The following SYT9 variants were observed in gnomAD, a reference collection of about 807,000 sequenced individuals.
The protein encoded by SYT9 is synaptotagmin 9.
Under a neutral mutation model 48.4 loss-of-function variants are expected in SYT9, and 22 were observed. The observed-to-expected ratio is 0.45, with a 90% CI of 0.32 to 0.65. The LOEUF is 0.65. SYT9 is among the 30% of genes least tolerant of loss of function. The pLI, the probability that SYT9 is intolerant of heterozygous loss-of-function variation, is 0.03. For synonymous variants in SYT9, 265 were observed against 245.0 expected (o/e 1.08, Z -0.76); for missense variants, 577 against 622.0 (o/e 0.93, Z 0.77).
chr11:7,417,879 A>G, intron 4 of SYT9, 78 bp from the exon 5 acceptor site: 2 of 1,483,922 alleles, frequency 1.3e-6, no homozygotes, highest in Non-Finnish European at 9.1e-7. Context: ...ATAGTCCATG[A>G]AAACTCACAG....
At chr11:7,392,854 T>C (rs573592489) in intron 3 of SYT9, among the ~76,000 whole-genome samples, 1 of 152,274 alleles carries the variant, frequency 6.6e-6, no homozygotes, top group East Asian at 1.9e-4. Flanking sequence ...TTTTTGTGTG[T>C]GTGTGTATTA....
At chr11:7,244,136 C>T (rs78181920) in intron 1 of SYT9, among the ~76,000 whole-genome samples, 6,745 of 152,186 alleles carry the variant, frequency 0.044, 209 homozygotes, top group East Asian at 0.12. Flanking sequence ...GAACATGGCC[C>T]TCTGTTCCTT....
rs75275222 is a variant in SYT9, at chr11:7,424,140, T to G, written c.1467+3505T>G. Among the ~76,000 whole-genome samples, 254 of 152,258 alleles carry G rather than the reference T, an allele frequency of 1.7e-3. 1 individual carries two copies. The highest frequency in any genetic ancestry group is 5.8e-3 in the African/African-American group (241 of 41,558). The stretch of plus-strand genomic sequence containing the variant: ...ATCTGGCAGCCTGCTCAGGGTTGCA[T>G]CCAATACACCCTGACCTTGCCAGGG... On this transcript the variant is annotated intron_variant, in intron 6 of 6. Transcript: ENST00000318881.
intron 3 of SYT9, among the ~76,000 whole-genome samples, chr11:7,392,661 A>G (rs1846653085): frequency 3.3e-5 from 5 of 152,150 alleles, no homozygotes. Context: ...CTAGTTTGAT[A>G]AGAAGAGCAC....
At chr11:7,399,586 CAA>C (rs1352999724) in intron 3 of SYT9, among the ~76,000 whole-genome samples, 1 of 152,136 alleles carries the variant, frequency 6.6e-6, no homozygotes, top group Non-Finnish European at 1.5e-5. Context: ...ACAAGTTTGC[CAA>C]AGTTTCCACT....
chr11:7,238,888 G>T (rs905696271), exon 1 of SYT9: 6 of 455,960 alleles, frequency 1.3e-5, no homozygotes, highest in Middle Eastern at 3.2e-4. Flanking sequence ...AGGTGGTGGA[G>T]GGAGATTTAG....
intron 3 of SYT9, among the ~76,000 whole-genome samples, chr11:7,316,620 G>C (rs1286742474): frequency 6.6e-6 from 1 of 152,160 alleles, no homozygotes; most frequent in Non-Finnish European, 1.5e-5. Context: ...CACATCTTTT[G>C]GTTCACATAT....
intron 2 of SYT9, among the ~76,000 whole-genome samples, chr11:7,304,788 A>G (rs963704206): frequency 6.6e-6 from 1 of 152,224 alleles, no homozygotes; most frequent in African/African-American, 2.4e-5. Context: ...CTAGAGCTCT[A>G]TTTGATGCTG....
intron 3 of SYT9, among the ~76,000 whole-genome samples, chr11:7,371,435 C>T (rs76781281): frequency 6.3e-4 from 95 of 151,832 alleles, no homozygotes; most frequent in Admixed American, 3.8e-3. Context: ...TTTCTATGTA[C>T]ATTATATTTT....
At chr11:7,346,874 G>C (rs1434540765) in intron 3 of SYT9, among the ~76,000 whole-genome samples, 1 of 152,152 alleles carries the variant, frequency 6.6e-6, no homozygotes, top group East Asian at 1.9e-4. Flanking sequence ...TATAATCTCT[G>C]TCCATGGTTC....
chr11:7,422,704 G>A (rs1169397154), intron 6 of SYT9, among the ~76,000 whole-genome samples: 1 of 152,210 alleles, frequency 6.6e-6, no homozygotes, highest in Non-Finnish European at 1.5e-5. Context: ...GTGTGGTGTA[G>A]GGCTGAGAGG....
intron 3 of SYT9, among the ~76,000 whole-genome samples, chr11:7,395,432 T>C (rs1469574552): frequency 1.3e-5 from 2 of 152,130 alleles, no homozygotes; most frequent in African/African-American, 4.8e-5. Flanking sequence ...ATCTGTCTAA[T>C]GCTTCTTGGT....
chr11:7,413,466 G>A (rs1034257202), intron 3 of SYT9, among the ~76,000 whole-genome samples: 1 of 152,192 alleles, frequency 6.6e-6, no homozygotes, highest in Non-Finnish European at 1.5e-5. Flanking sequence ...CTCTAGGCCT[G>A]TGAGGATCGA....
intron 1 of SYT9, among the ~76,000 whole-genome samples, chr11:7,285,099 T>C (rs1214867368): frequency 2.0e-5 from 3 of 152,162 alleles, no homozygotes; most frequent in African/African-American, 4.8e-5. Context: ...CACCGAGCTA[T>C]CCCTAGTACC....
At chr11:7,381,029 A>G (rs186523198) in intron 3 of SYT9, among the ~76,000 whole-genome samples, 28 of 152,324 alleles carry the variant, frequency 1.8e-4, no homozygotes, top group Admixed American at 1.5e-3. Flanking sequence ...AACAATTGAT[A>G]AAATTACAGA....
intron 1 of SYT9, among the ~76,000 whole-genome samples, chr11:7,301,809 T>G (rs979087003): frequency 1.2e-4 from 18 of 152,186 alleles, no homozygotes; most frequent in African/African-American, 4.3e-4. Context: ...GGGTTGTCCT[T>G]TAAAATAAGG....
At chr11:7,287,023 C>G (rs1057460980) in intron 1 of SYT9, among the ~76,000 whole-genome samples, 5 of 152,206 alleles carry the variant, frequency 3.3e-5, no homozygotes, top group Non-Finnish European at 7.3e-5. Context: ...ATAGCAGCAC[C>G]TCACTCTCTG....
intron 1 of SYT9, among the ~76,000 whole-genome samples, chr11:7,262,369 T>G (rs1192244178): frequency 6.6e-6 from 1 of 151,936 alleles, no homozygotes; most frequent in East Asian, 1.9e-4. Context: ...AGCCTGGAGT[T>G]TGGGAAAGAT....
At chr11:7,348,046 A>T (rs185726412) in intron 3 of SYT9, among the ~76,000 whole-genome samples, 95 of 152,324 alleles carry the variant, frequency 6.2e-4, no homozygotes, top group Non-Finnish European at 1.0e-3. Context: ...GACTTTCCTG[A>T]ATACTTGGAT....
Sources: gnomAD v4.1 joint callset for allele counts (sites outside exome capture counted in the v4.1 genomes callset) on GRCh38, gnomAD v4.1.1 for gene constraint, MANE v1.5 for transcripts, NCBI Gene and HGNC (gene_info 2026-07-23, HGNC 2026-07-21) for gene names.